Variants in IGSF10 observed in about 807,000 individuals in gnomAD.
The protein encoded by IGSF10 is calvaria mechanical force protein 608.
In IGSF10, 126 loss-of-function variants were observed where a neutral mutation model predicts 128.2. The ratio of observed to expected loss-of-function variants is 0.98; its 90% CI spans 0.85 to 1.14. The LOEUF (loss-of-function observed/expected upper bound fraction) is 1.14, where lower values mean the gene tolerates loss of function less well. Among genes scored for constraint, IGSF10 ranks in the 50% most tolerant of loss-of-function variants. IGSF10 has a pLI of 0.00. For missense variants in IGSF10, 3,295 were observed against 3,149.8 expected (o/e 1.05, Z -1.10); for synonymous variants, 1,185 against 1,146.2 (o/e 1.03, Z -0.68).
chr3:151,570,681 T>C, the IGSF10 span, among the ~76,000 whole-genome samples: 1 of 152,144 alleles, frequency 6.6e-6, no homozygotes, highest in Non-Finnish European at 1.5e-5. Context: ...CCATTCTGTA[T>C]GTTGCCTGTT....
chr3:151,541,861 A>C, the IGSF10 span, among the ~76,000 whole-genome samples: 1 of 112,112 alleles, frequency 8.9e-6, no homozygotes, highest in Non-Finnish European at 1.8e-5. Flanking sequence ...AAAGCAAGCT[A>C]AGCATGGCCA....
At chr3:151,527,383 A>G in the IGSF10 span, among the ~76,000 whole-genome samples, 1 of 152,194 alleles carries the variant, frequency 6.6e-6, no homozygotes, top group African/African-American at 2.4e-5. Flanking sequence ...ATAAAATGTC[A>G]GAATTCTTCT....
At chr3:151,494,044 T>C in the IGSF10 span, among the ~76,000 whole-genome samples, 2 of 152,074 alleles carry the variant, frequency 1.3e-5, no homozygotes, top group African/African-American at 4.8e-5. Flanking sequence ...GGACTATTAC[T>C]GATGTTTAAT....
the IGSF10 span, among the ~76,000 whole-genome samples, chr3:151,471,223 T>G: frequency 3.9e-5 from 6 of 152,308 alleles, no homozygotes; most frequent in African/African-American, 1.4e-4. Flanking sequence ...ATTCACCTTC[T>G]GCTTCCCCAG....
At chr3:151,452,478 A>G (rs1268543859) in intron 5 of IGSF10, among the ~76,000 whole-genome samples, 4 of 152,322 alleles carry the variant, frequency 2.6e-5, no homozygotes, top group South Asian at 2.1e-4. Context: ...TATGATGGCT[A>G]CAATGTCACT....
the IGSF10 span, among the ~76,000 whole-genome samples, chr3:151,519,902 A>G: frequency 1.3e-5 from 2 of 151,774 alleles, no homozygotes; most frequent in Non-Finnish European, 2.9e-5. Flanking sequence ...AGACTAATAT[A>G]TTGATTTTGT....
chr3:151,563,620 C>A, the IGSF10 span, among the ~76,000 whole-genome samples: 2 of 152,094 alleles, frequency 1.3e-5, no homozygotes, highest in African/African-American at 4.8e-5. Flanking sequence ...TTGTCACCAA[C>A]AACAGTAATA....
At chr3:151,570,305 G>A in the IGSF10 span, among the ~76,000 whole-genome samples, 2 of 152,124 alleles carry the variant, frequency 1.3e-5, no homozygotes, top group African/African-American at 2.4e-5. Flanking sequence ...CTGAGGAATC[G>A]CCACACTGTC....
chr3:151,470,353 C>T, the IGSF10 span, among the ~76,000 whole-genome samples: 10 of 152,182 alleles, frequency 6.6e-5, no homozygotes, highest in Admixed American at 5.2e-4. Flanking sequence ...TCCCTCTCAA[C>T]TAAGAGGATA....
At chr3:151,461,717 C>A (rs1486483327), upstream of IGSF10, among the ~76,000 whole-genome samples, 1 of 152,158 alleles carries the variant, frequency 6.6e-6, no homozygotes, top group Non-Finnish European at 1.5e-5. Flanking sequence ...ATTCTCTGAT[C>A]TACATTTTTC....
At chr3:151,468,953 G>A in the IGSF10 span, among the ~76,000 whole-genome samples, 1 of 152,106 alleles carries the variant, frequency 6.6e-6, no homozygotes, top group Non-Finnish European at 1.5e-5. Flanking sequence ...TGTTCTCATT[G>A]TTCAGCTCCC....
At position 151,437,296 on chromosome 3, in the gene IGSF10, T is replaced by A. The variant is rs758073809; in HGVS notation, c.7265A>T (p.Lys2422Ile). The change falls in exon 8 of 8, where the codon AAA (lysine) becomes ATA (isoleucine). Residue 2422 changes from lysine to isoleucine, a missense_variant. Physicochemically the swap from Lys to Ile is moderately radical, Grantham distance 102. Coordinates refer to ENST00000282466, the MANE Select transcript of IGSF10 (RefSeq NM_178822.5). ...CTGGCCAATTTCTAATATGACTAAT[T>A]TCTCAATATAGCCAACTTTATTCCT... ...AARNKVGYIE[K>I]LVILEIGQKP... is the part of the protein sequence containing the mutation. 6.2e-7 allele frequency: 1 copy of A among 1,614,206 alleles called. No individual in the cohort carries two copies. The highest frequency in any genetic ancestry group is 8.5e-7 in the Non-Finnish European group (1 of 1,180,024).
downstream of IGSF10, chr3:151,434,505 G>GTCTA (rs372638487): frequency 7.1e-5 from 8 of 113,370 alleles, no homozygotes; most frequent in East Asian, 2.7e-4. Flanking sequence ...TAAATTAATA[G>GTCTA]TCTATCTGCT....
At chr3:151,570,300 GA>G in the IGSF10 span, among the ~76,000 whole-genome samples, 1 of 151,918 alleles carries the variant, frequency 6.6e-6, no homozygotes, top group African/African-American at 2.4e-5. Flanking sequence ...GATCCCTGAG[GA>G]ATCGCCACAC....
upstream of IGSF10, among the ~76,000 whole-genome samples, chr3:151,463,523 GTTTTTTTTTTTTTTTTTTTTTTTT>G (rs745415781): frequency 3.2e-5 from 1 of 31,272 alleles, no homozygotes; most frequent in Non-Finnish European, 6.5e-5. Context: ...ACATTTTCTG[GTTTTTTTTTTTTTTTTTTTTTTTT>G]TTTTTTTTTT....
chr3:151,578,027 G>A, the IGSF10 span, among the ~76,000 whole-genome samples: 3 of 152,142 alleles, frequency 2.0e-5, no homozygotes, highest in East Asian at 5.8e-4. Flanking sequence ...AATTTTTAAG[G>A]ATGGTGGTTT....
chr3:151,456,008 G>C (rs974985389), intron 4 of IGSF10, among the ~76,000 whole-genome samples: 3 of 152,190 alleles, frequency 2.0e-5, no homozygotes, highest in African/African-American at 7.2e-5. Context: ...ACATAGAAGA[G>C]CTTTGCCCCA....
the IGSF10 span, among the ~76,000 whole-genome samples, chr3:151,508,887 AAT>A: frequency 6.6e-6 from 1 of 152,216 alleles, no homozygotes; most frequent in African/African-American, 2.4e-5. Flanking sequence ...CTAAAATTCT[AAT>A]ATGTCTGAGT....
the IGSF10 span, among the ~76,000 whole-genome samples, chr3:151,601,977 T>C: frequency 6.6e-6 from 1 of 152,116 alleles, no homozygotes. Flanking sequence ...GTCAAACAGA[T>C]GTCATCACTT....
Sources: gnomAD v4.1 joint callset for allele counts (sites outside exome capture counted in the v4.1 genomes callset) on GRCh38, gnomAD v4.1.1 for gene constraint, MANE v1.5 for transcripts, NCBI Gene and HGNC (gene_info 2026-07-23, HGNC 2026-07-21) for gene names.